NEB: variants seen among roughly 807,000 people sequenced by gnomAD.
NEB encodes nemaline myopathy type 2.
NEB carries 512 observed loss-of-function variants against 952.2 expected under a neutral mutation model. The ratio of observed to expected loss-of-function variants is 0.54; its 90% CI spans 0.50 to 0.58. NEB has a LOEUF of 0.58. NEB is among the 20% of genes least tolerant of loss of function. The pLI, the probability that NEB is intolerant of heterozygous loss-of-function variation, is 0.00. For synonymous variants in NEB, 2,900 were observed against 3,149.8 expected, an observed-to-expected ratio of 0.92 and a Z score of 2.66; for missense variants, 8,428 against 9,231.1, an observed-to-expected ratio of 0.91 and a Z score of 3.56.
chr2:151,527,599 G>A lies in NEB; in HGVS notation c.21736-14C>T. The stretch of plus-strand genomic sequence containing the variant: ...CTTATAGTCCAGCTGTTTTTAACAG[G>A]AGAGAAAGGAATCACTTGATTCAGT... On this transcript the variant is annotated splice_polypyrimidine_tract_variant and intron_variant, in intron 146 of 181. Coordinates refer to ENST00000397345, the MANE Select transcript of NEB (RefSeq NM_001164508.2). 6.3e-7 allele frequency: 1 copy of A among 1,589,564 alleles called. No homozygotes were observed. Among genetic ancestry groups the A allele is most frequent in the Non-Finnish European group, 8.6e-7 (1 of 1,161,492 alleles).
At chr2:151,623,529 T>C (rs1047180084) in intron 71 of NEB, among the ~76,000 whole-genome samples, 1 of 152,198 alleles carries the variant, frequency 6.6e-6, no homozygotes, top group African/African-American at 2.4e-5. Context: ...ATTTTAAATA[T>C]GCTACAGATG....
intron 124 of NEB, among the ~76,000 whole-genome samples, chr2:151,556,392 GA>G (rs1177629712): frequency 3.3e-5 from 5 of 152,116 alleles, no homozygotes; most frequent in African/African-American, 1.2e-4. Flanking sequence ...CTGTGTATGT[GA>G]ACTTGAAATA....
chr2:151,669,119 C>T lies in NEB; in HGVS notation c.4519G>A (p.Val1507Ile). Residue 1507 changes from valine (V) to isoleucine (I), a missense_variant, in exon 39 of 182, where the codon GTA becomes ATA. Transcript: ENST00000397345. ...TKQLSDLNYK[V>I]EGEKLKHKYT... is the part of the protein sequence containing the mutation. ...TTGTGCTTCAGTTTCTCTCCCTCTA[C>T]CTTGTAGTTCAACTAAAAACAAAGG... 4.4e-6 allele frequency: 7 copies of T among 1,576,946 alleles called. No homozygotes were observed. Among genetic ancestry groups the T allele is most frequent in the South Asian group, 1.2e-5 (1 of 86,186 alleles).
chr2:151,524,349 T>C lies in NEB; in HGVS notation c.22441A>G (p.Ile7481Val), dbSNP rs374581669. ...TTGGCTGCCTTCTTGGCCATTTCTA[T>C]GTCTGGGCGACCGAGCATGCTTAAG... ...HGLSMLGRPD[I>V]EMAKKAAKLS... is the part of the protein sequence containing the mutation. The change falls in exon 153 of 182, where the codon ATA becomes GTA. Residue 7481 changes from isoleucine to valine, a missense_variant. Ile to Val is a conservative substitution (Grantham distance 29). Transcript: ENST00000397345. The C allele has an allele frequency of 1.9e-5, 30 of 1,613,830 alleles. No homozygotes were observed. The highest frequency in any genetic ancestry group is 2.4e-5 in the Non-Finnish European group (28 of 1,179,880).
chr2:151,615,408 C>CCCAT (rs2098159536), intron 76 of NEB, among the ~76,000 whole-genome samples: 1 of 152,094 alleles, frequency 6.6e-6, no homozygotes, highest in Non-Finnish European at 1.5e-5. Context: ...GGAGGTGTTT[C>CCCAT]GCATGTGAAG....
chr2:151,640,772 T>C, intron 60 of NEB, 106 bp from the exon 61 acceptor site: 1 of 1,084,276 alleles, frequency 9.2e-7, no homozygotes, highest in Non-Finnish European at 1.3e-6. Context: ...TCCCTGAATA[T>C]GTAAATTATA....
Position 151,627,560 on chromosome 2 carries a change from A to G in NEB, c.10106T>C (p.Val3369Ala), listed in dbSNP as rs2098550006. Residue 3369 changes from valine to alanine, a missense_variant, in exon 69 of 182, where the codon GTC becomes GCC. Around this residue, in one of 11 missense-constraint regions of NEB, gnomAD observed 1,772 missense variants for 1,960.3 expected, o/e 0.90. Transcript: ENST00000397345. ...GTCATAGGCCTGCCGAGCATGGATG[A>G]CATCATTCTGGTCGGGCAGGCACGT... ...EWTCLPDQND[V>A]IHARQAYDLQ... 1.2e-6 allele frequency: 2 copies of G among 1,613,902 alleles called. No homozygotes were observed. The highest frequency in any genetic ancestry group is 1.3e-5 in the African/African-American group (1 of 74,934).
chr2:151,615,002 T>C (rs2098142792), intron 76 of NEB, among the ~76,000 whole-genome samples: 1 of 152,224 alleles, frequency 6.6e-6, no homozygotes, highest in African/African-American at 2.4e-5. Flanking sequence ...TTATTAGAAC[T>C]TATAATAGAC....
chr2:151,556,380 G>C (rs1158822105), intron 124 of NEB, among the ~76,000 whole-genome samples: 1 of 152,154 alleles, frequency 6.6e-6, no homozygotes, highest in Non-Finnish European at 1.5e-5. Flanking sequence ...AGGGGTGTGT[G>C]TCTGTGTATG....
At chr2:151,488,414 A>G (rs945474112) in intron 181 of NEB, among the ~76,000 whole-genome samples, 9 of 151,750 alleles carry the variant, frequency 5.9e-5, no homozygotes, top group Admixed American at 5.3e-4. Context: ...TAGGAGGCCA[A>G]AGCAGGCAGA....
Position 151,669,001 on chromosome 2 carries a change from A to G in NEB, c.4611+26T>C, listed in dbSNP as rs200436252. On this transcript the variant is annotated intron_variant, in intron 39 of 181. Transcript: ENST00000397345. ...CAGAAAGGAGAGGCCCGCATACGCAATATTAGCACTGGGCCAAATACTCAC... is the reference window on the plus strand; with the variant it reads ...CAGAAAGGAGAGGCCCGCATACGCAGTATTAGCACTGGGCCAAATACTCAC... 4.0e-6 allele frequency: 6 copies of G among 1,501,736 alleles called. No homozygotes were observed. In the East Asian group the frequency reaches 1.2e-4, roughly 29 times the overall value. 93.0% of individuals were successfully genotyped at this position (1,501,736 alleles called of 1,614,324 possible). A position where few individuals can be genotyped will look rare whatever the true frequency, so the allele number is the denominator to read the frequency against.
At chr2:151,634,374 T>G (rs1025279469) in intron 64 of NEB, among the ~76,000 whole-genome samples, 1 of 152,176 alleles carries the variant, frequency 6.6e-6, no homozygotes, top group Non-Finnish European at 1.5e-5. Context: ...CTGGGCACGG[T>G]GGCTCATGCC....
intron 145 of NEB, 105 bp downstream of exon 145, chr2:151,530,889 T>C (rs1469655529): frequency 4.2e-6 from 3 of 707,238 alleles, no homozygotes; most frequent in Non-Finnish European, 4.8e-6. Context: ...CCACTAAGTT[T>C]TAGGGTGGTT....
chr2:151,662,085 C>T, intron 46 of NEB, 50 bp downstream of exon 46: 1 of 1,482,304 alleles, frequency 6.7e-7, no homozygotes, highest in South Asian at 1.3e-5. Context: ...GTAAATTATA[C>T]CTGGATTCTC....
chr2:151,643,769 A>C (rs1399289081), intron 57 of NEB, 49 bp downstream of exon 57: 3 of 1,588,430 alleles, frequency 1.9e-6, no homozygotes, highest in Admixed American at 3.4e-5. Flanking sequence ...CTGATACTTT[A>C]AAAAGCAGAC....
At chr2:151,595,575 T>G (rs2097419171) in intron 92 of NEB, among the ~76,000 whole-genome samples, 1 of 98,330 alleles carries the variant, frequency 1.0e-5, no homozygotes, top group Admixed American at 9.6e-5. Context: ...GCCCGACAGG[T>G]AGCATAATTA....
At chr2:151,541,337 G>T in intron 136 of NEB, 110 bp downstream of exon 136, 2 of 720,220 alleles carry the variant, frequency 2.8e-6, no homozygotes, top group Non-Finnish European at 4.7e-6. Context: ...GCATGAGGTT[G>T]CAGCCAGGAC....
Position 151,617,485 on chromosome 2 carries a change from A to G in NEB, c.11077-17T>C, listed in dbSNP as rs1285038749. 1.1e-5 allele frequency: 15 copies of G among 1,389,054 alleles called. No individual in the cohort carries two copies. The highest frequency in any genetic ancestry group is 2.0e-4 in the Middle Eastern group (1 of 4,920). The allele number at this position is 1,389,054 out of a possible 1,614,324, so 86.0% of individuals were successfully genotyped here. On this transcript the variant is annotated splice_polypyrimidine_tract_variant and intron_variant, in intron 74 of 181. Coordinates refer to ENST00000397345, the MANE Select transcript of NEB (RefSeq NM_001164508.2). ...ATATAAGCGCTACAAAAAAAAAAAA[A>G]AAAGAGAGAGAGAGAGAGAAAAATT...
intron 36 of NEB, among the ~76,000 whole-genome samples, chr2:151,673,989 A>G (rs2099331755): frequency 1.3e-5 from 2 of 152,162 alleles, no homozygotes; most frequent in Non-Finnish European, 2.9e-5. Context: ...GGAAAGGAGT[A>G]GAAGTGTATA....
Sources: allele counts gnomAD v4.1 joint callset (sites outside exome capture counted in the v4.1 genomes callset), GRCh38; gene constraint gnomAD v4.1.1; regional missense constraint gnomAD v4.1.1; transcripts MANE v1.5; gene names NCBI Gene and HGNC (gene_info 2026-07-23, HGNC 2026-07-21).